The following DCAKD variants were observed in gnomAD, a reference collection of about 807,000 sequenced individuals.
The protein encoded by DCAKD is dephospho-CoA kinase domain-containing protein.
DCAKD carries 15 observed loss-of-function variants against 18.7 expected under a neutral mutation model. The ratio of observed to expected loss-of-function variants is 0.80; its 90% CI spans 0.54 to 1.24. The LOEUF is 1.24. DCAKD is among the 50% of genes most tolerant of loss of function. DCAKD has a pLI of 0.00. For missense variants in DCAKD, 301 were observed against 322.0 expected (o/e 0.93, Z 0.50); for synonymous variants, 130 against 133.0 (o/e 0.98, Z 0.16).
At chr17:45,034,709 T>C in intron 2 of DCAKD, 65 bp downstream of exon 2, 1 of 1,530,584 alleles carries the variant, frequency 6.5e-7, no homozygotes, top group South Asian at 1.2e-5. Flanking sequence ...AAAGGAGGCA[T>C]GGCAGAAGGC....
chr17:45,060,398 GC>G (rs1481471341), intron 1 of DCAKD, among the ~76,000 whole-genome samples: 1 of 152,058 alleles, frequency 6.6e-6, no homozygotes, highest in East Asian at 1.9e-4. Flanking sequence ...GGTGGCTCAT[GC>G]CTATAGTCCT....
At position 45,051,518 on chromosome 17, in the gene DCAKD, C is replaced by G. The variant is rs2053696224; in HGVS notation, c.-272G>C. 6.6e-6 allele frequency: 1 copy of G among 151,760 alleles called. No homozygotes were observed. Among genetic ancestry groups the G allele is most frequent in the African/African-American group, 2.4e-5 (1 of 41,342 alleles). 9.4% of individuals were successfully genotyped at this position (151,760 alleles called of 1,614,324 possible). A position where few individuals can be genotyped will look rare whatever the true frequency, so the allele number is the denominator to read the frequency against. On this transcript the variant is annotated 5_prime_UTR_variant, in exon 1 of 5. Coordinates refer to ENST00000651974, the MANE Select transcript of DCAKD (RefSeq NM_001288655.2). ...GGCCCGCCCCCTCCCCGGCGCCCGGCTGGCTCTCACCGGCCCGCGTGGCGC... is the reference window on the plus strand; with the variant it reads ...GGCCCGCCCCCTCCCCGGCGCCCGGGTGGCTCTCACCGGCCCGCGTGGCGC...
At chr17:45,049,305 G>A (rs1421079149) in intron 1 of DCAKD, among the ~76,000 whole-genome samples, 3 of 151,928 alleles carry the variant, frequency 2.0e-5, no homozygotes, top group Non-Finnish European at 4.4e-5. Context: ...TGTGGTGACA[G>A]ACACCCGTAC....
rs2053286490 is a variant in DCAKD, at chr17:45,035,934, C to T, written c.-114-935G>A. Among the ~76,000 whole-genome samples, 6 of 152,126 alleles carry T rather than the reference C, an allele frequency of 3.9e-5. No homozygotes were observed. The South Asian group carries it at 1.0e-3, about 26-fold the overall frequency. On this transcript the variant is annotated intron_variant, in intron 1 of 4. Transcript: ENST00000651974. Reference sequence around the variant, plus strand: ...TCTTGGCCCAGATGGGGAACTGAGCCGCAAGCAGTGGCTCGGCAGCCACTA... The same window carrying T: ...TCTTGGCCCAGATGGGGAACTGAGCTGCAAGCAGTGGCTCGGCAGCCACTA...
At chr17:45,040,012 G>T (rs2053392638) in intron 1 of DCAKD, among the ~76,000 whole-genome samples, 1 of 151,880 alleles carries the variant, frequency 6.6e-6, no homozygotes, top group Admixed American at 6.6e-5. Context: ...AGAATTGCTT[G>T]AATCTGGGAA....
At chr17:45,032,679 A>G (rs2053196529) in intron 3 of DCAKD, among the ~76,000 whole-genome samples, 1 of 151,628 alleles carries the variant, frequency 6.6e-6, no homozygotes, top group African/African-American at 2.4e-5. Flanking sequence ...GCTACTCGGG[A>G]GGCTGAGGGC....
At chr17:45,041,497 A>G (rs957672174) in intron 1 of DCAKD, among the ~76,000 whole-genome samples, 9 of 151,976 alleles carry the variant, frequency 5.9e-5, no homozygotes, top group Middle Eastern at 3.4e-3. Flanking sequence ...TTTTTAGTAG[A>G]GACGGGGTTT....
At chr17:45,029,027 G>C (rs1042568349) in intron 4 of DCAKD, among the ~76,000 whole-genome samples, 10 of 152,158 alleles carry the variant, frequency 6.6e-5, no homozygotes, top group Admixed American at 6.5e-4. Context: ...TAAAAAAAAT[G>C]TTTTTATCCC....
intron 1 of DCAKD, among the ~76,000 whole-genome samples, chr17:45,045,172 C>A (rs923990156): frequency 6.6e-6 from 1 of 152,054 alleles, no homozygotes; most frequent in African/African-American, 2.4e-5. Flanking sequence ...TGGATTCAAC[C>A]CTGCAGCTAG....
chr17:45,054,063 TCTTCCTGA>T, upstream of DCAKD: 1 of 518,326 alleles, frequency 1.9e-6, no homozygotes. Context: ...CTGAAAGCTT[TCTTCCTGA>T]CTTCAACAGT....
intron 3 of DCAKD, 119 bp downstream of exon 3, chr17:45,034,068 A>C: frequency 6.3e-7 from 1 of 1,599,372 alleles, no homozygotes; most frequent in Non-Finnish European, 8.5e-7. Flanking sequence ...GCCAGTAAGC[A>C]GTATGAACTC....
At chr17:45,033,962 A>T (rs2053227927) in intron 3 of DCAKD, 1 of 1,574,788 alleles carries the variant, frequency 6.4e-7, no homozygotes, top group Admixed American at 1.7e-5. Flanking sequence ...CGAAAGCCTC[A>T]TGTGTCTCTT....
intron 1 of DCAKD, among the ~76,000 whole-genome samples, chr17:45,045,240 G>A (rs1440294692): frequency 1.3e-5 from 2 of 152,192 alleles, no homozygotes; most frequent in Non-Finnish European, 1.5e-5. Flanking sequence ...GGACCTTACA[G>A]AGAAACTGTC....
intron 3 of DCAKD, chr17:45,031,374 C>T (rs924475533): frequency 1.0e-6 from 1 of 983,328 alleles, no homozygotes; most frequent in Non-Finnish European, 1.2e-6. Context: ...AGCCCCCCCA[C>T]CTTCCCCACC....
At chr17:45,031,178 C>A (rs1393191469) in intron 3 of DCAKD, 1 of 985,244 alleles carries the variant, frequency 1.0e-6, no homozygotes, top group Non-Finnish European at 1.2e-6. Context: ...CACATCACAC[C>A]AATTCCAAGG....
At chr17:45,053,061 G>C (rs892909116), upstream of DCAKD, among the ~76,000 whole-genome samples, 8 of 149,990 alleles carry the variant, frequency 5.3e-5, no homozygotes, top group African/African-American at 2.0e-4. Context: ...TACACGGGAG[G>C]CTGAGGCAGG....
At chr17:45,025,356 G>A (rs1218263654) in intron 4 of DCAKD, among the ~76,000 whole-genome samples, 2 of 152,152 alleles carry the variant, frequency 1.3e-5, no homozygotes, top group Non-Finnish European at 2.9e-5. Flanking sequence ...CAAGCCCAAG[G>A]TGCTTCAAAG....
chr17:45,041,981 T>C (rs1193418075), intron 1 of DCAKD, among the ~76,000 whole-genome samples: 4 of 150,966 alleles, frequency 2.6e-5, no homozygotes, highest in African/African-American at 9.7e-5. Context: ...CTGGGCATGA[T>C]GGCATATGTC....
upstream of DCAKD, among the ~76,000 whole-genome samples, chr17:45,053,164 C>T (rs2053740633): frequency 1.3e-5 from 1 of 74,886 alleles, no homozygotes; most frequent in Non-Finnish European, 2.5e-5. Context: ...GACTCTGTCT[C>T]CAGTTAAAAA....
Sources: gnomAD v4.1 joint callset for allele counts (sites outside exome capture counted in the v4.1 genomes callset) on GRCh38, gnomAD v4.1.1 for gene constraint, MANE v1.5 for transcripts, NCBI Gene and HGNC (gene_info 2026-07-23, HGNC 2026-07-21) for gene names.